The following PRDM10 variants were observed in gnomAD, a reference collection of about 807,000 sequenced individuals.
The protein encoded by PRDM10 is PR domain zinc finger protein 10.
In PRDM10, 65 loss-of-function variants were observed where a neutral mutation model predicts 133.1. That is an observed-to-expected ratio of 0.49 (90% confidence interval 0.40 to 0.60). PRDM10 has a LOEUF of 0.60. PRDM10 is among the 20% of genes least tolerant of loss of function. PRDM10 has a pLI of 0.00. For synonymous variants in PRDM10, 582 were observed against 580.4 expected (o/e 1.00, Z -0.04); for missense variants, 1,137 against 1,507.1 (o/e 0.75, Z 4.07).
At chr11:129,942,121 C>G (rs1205346597) in intron 7 of PRDM10, among the ~76,000 whole-genome samples, 1 of 152,118 alleles carries the variant, frequency 6.6e-6, no homozygotes, top group African/African-American at 2.4e-5. Context: ...GTCTTGAACT[C>G]CAGACCTGAA....
chr11:130,000,832 C>G (rs959083780), intron 1 of PRDM10, among the ~76,000 whole-genome samples: 1 of 152,172 alleles, frequency 6.6e-6, no homozygotes, highest in African/African-American at 2.4e-5. Flanking sequence ...AAAGGCCGAG[C>G]GCGGGGGCCC....
At chr11:129,990,597 A>G (rs1165459625) in intron 1 of PRDM10, among the ~76,000 whole-genome samples, 1 of 150,744 alleles carries the variant, frequency 6.6e-6, no homozygotes, top group Non-Finnish European at 1.5e-5. Context: ...TCCAATTCAC[A>G]CTCCCTATAA....
chr11:129,908,173 A>T (rs1950073591), intron 19 of PRDM10, among the ~76,000 whole-genome samples: 1 of 152,040 alleles, frequency 6.6e-6, no homozygotes. Flanking sequence ...TTGTGTTTTT[A>T]AAAAATAGTT....
At chr11:129,942,709 A>C (rs1441616409) in intron 6 of PRDM10, 80 bp from the exon 7 acceptor site, 2 of 1,259,898 alleles carry the variant, frequency 1.6e-6, no homozygotes, top group East Asian at 2.3e-5. Context: ...CAATACGCAA[A>C]ATATTGCTTC....
intron 1 of PRDM10, among the ~76,000 whole-genome samples, chr11:129,980,775 A>G (rs1345739961): frequency 2.0e-5 from 3 of 151,988 alleles, no homozygotes; most frequent in Non-Finnish European, 4.4e-5. Flanking sequence ...AGGGAAATCT[A>G]TAAAGACAGG....
chr11:129,970,901 C>T (rs923582211), intron 1 of PRDM10, among the ~76,000 whole-genome samples: 6 of 152,116 alleles, frequency 3.9e-5, no homozygotes, highest in African/African-American at 1.4e-4. Context: ...AAGTTTTCCA[C>T]CAACTTTTTT....
At position 129,945,070 on chromosome 11, in the gene PRDM10, A is replaced by T; in HGVS notation, c.521-58T>A. The T allele has an allele frequency of 6.3e-7, 1 of 1,582,120 alleles. No homozygotes were observed. Among genetic ancestry groups the T allele is most frequent in the South Asian group, 1.2e-5 (1 of 84,988 alleles). ...CAATTCCTCAGTGTGACTTGATGTG[A>T]GGTAAAAAATTCTGACCCGAAAAAT... On this transcript the variant is annotated intron_variant, in intron 5 of 20. Transcript: ENST00000360871. The surrounding 1 kb of genome is among the most constrained non-coding windows in gnomAD (Gnocchi z 4.2).
intron 19 of PRDM10, 109 bp from the exon 20 acceptor site, chr11:129,905,850 G>C (rs780715770): frequency 2.8e-4 from 252 of 893,218 alleles, no homozygotes; most frequent in Non-Finnish European, 4.1e-4. Flanking sequence ...CTTGCCATGA[G>C]AGTCTCACAA....
intron 20 of PRDM10, among the ~76,000 whole-genome samples, chr11:129,904,834 T>C (rs1456547674): frequency 6.6e-6 from 1 of 152,208 alleles, no homozygotes; most frequent in African/African-American, 2.4e-5. Context: ...GTATGTACTC[T>C]GTCTTCTAAT....
intron 14 of PRDM10, among the ~76,000 whole-genome samples, chr11:129,917,868 C>A (rs1045726247): frequency 6.6e-6 from 1 of 152,136 alleles, no homozygotes; most frequent in Non-Finnish European, 1.5e-5. Flanking sequence ...CAGTGGCTCA[C>A]GCCTGTAATC....
rs1491447398 is a variant in PRDM10 at position 129,923,693 on chromosome 11, A to AGAGAGAGT, written c.1879-291_1879-290insACTCTCTC. 1.5e-5 allele frequency among the ~76,000 whole-genome samples: 2 copies of AGAGAGAGT among 135,676 alleles called. No homozygotes were observed. The highest frequency in any genetic ancestry group is 3.2e-5 in the Non-Finnish European group (2 of 62,180). 89.0% of individuals were successfully genotyped at this position (135,676 alleles called of 152,430 possible). On this transcript the variant is annotated intron_variant, in intron 12 of 20. Coordinates refer to ENST00000360871, the MANE Select transcript of PRDM10 (RefSeq NM_199437.2). The surrounding 1 kb of genome is among the most constrained non-coding windows in gnomAD (Gnocchi z 4.4). Reference sequence around the variant, plus strand: ...GAGAGAGAGAGAGAGAGAGAGAGAGAGTGCTTGCTTGGTCAAAGCCCTGAT... The same window carrying AGAGAGAGT: ...GAGAGAGAGAGAGAGAGAGAGAGAGAGAGAGAGTGTGCTTGCTTGGTCAAAGCCCTGAT...
intron 10 of PRDM10, among the ~76,000 whole-genome samples, chr11:129,931,601 C>T (rs1442015281): frequency 1.3e-5 from 2 of 149,284 alleles, no homozygotes; most frequent in African/African-American, 2.5e-5. Flanking sequence ...CGGAGTCTCG[C>T]TCTGTCCCCA....
chr11:129,980,326 G>C (rs1368789199), intron 1 of PRDM10, among the ~76,000 whole-genome samples: 2 of 152,176 alleles, frequency 1.3e-5, no homozygotes, highest in Admixed American at 6.5e-5. Flanking sequence ...CTCCGACCTT[G>C]ACCCCCGGGG....
At position 129,985,794 on chromosome 11, in the gene PRDM10, AAAAAAAAAAAAAAAAATATATATAT is replaced by A. The variant is rs1938382565; in HGVS notation, c.-119+16903_-119+16927del. Among the ~76,000 whole-genome samples, 2 of 126,026 alleles carry A rather than the reference AAAAAAAAAAAAAAAAATATATATAT, an allele frequency of 1.6e-5. 1 individual carries two copies. Among genetic ancestry groups the A allele is most frequent in the African/African-American group, 7.2e-5 (2 of 27,624 alleles). The allele number at this position is 126,026 out of a possible 152,430, so 82.7% of individuals were successfully genotyped here. On this transcript the variant is annotated intron_variant, in intron 1 of 20. Transcript: ENST00000360871. ...CAAACCCTGTCCAAAAAAAAAAAAA[AAAAAAAAAAAAAAAAATATATATAT>A]ATATATATATATATGTATATATAGT...
intron 1 of PRDM10, among the ~76,000 whole-genome samples, chr11:129,972,062 C>T (rs1439193357): frequency 2.0e-5 from 3 of 152,230 alleles, no homozygotes; most frequent in South Asian, 2.1e-4. Context: ...GCCACTGGCC[C>T]GGGTGCTAAG....
chr11:129,963,289 T>A (rs1591667467), intron 1 of PRDM10, among the ~76,000 whole-genome samples: 1 of 152,124 alleles, frequency 6.6e-6, no homozygotes, highest in East Asian at 1.9e-4. Flanking sequence ...ACACCTGTGG[T>A]CCCAGCTACT....
At chr11:129,922,625 G>C (rs1261340013) in intron 13 of PRDM10, among the ~76,000 whole-genome samples, 1 of 152,136 alleles carries the variant, frequency 6.6e-6, no homozygotes, top group Middle Eastern at 3.2e-3. Flanking sequence ...GTCTTCCAGT[G>C]ACATTTTTGC....
Position 129,901,432 on chromosome 11 carries a change from G to A in PRDM10, c.*881C>T, listed in dbSNP as rs1949841695. On this transcript the variant is annotated 3_prime_UTR_variant, in exon 21 of 21. Transcript: ENST00000360871. ...ATGAATGATAAATGGATCCTGCAAG[G>A]CAGAACAAAATTTCAATACTTTCTC... 6.6e-6 allele frequency: 1 copy of A among 152,322 alleles called. No individual in the cohort carries two copies. The highest frequency in any genetic ancestry group is 1.5e-5 in the Non-Finnish European group (1 of 68,000). The allele number at this position is 152,322 out of a possible 1,614,324, so 9.4% of individuals were successfully genotyped here.
At chr11:129,961,409 A>G (rs912348707) in intron 1 of PRDM10, among the ~76,000 whole-genome samples, 1 of 152,064 alleles carries the variant, frequency 6.6e-6, no homozygotes, top group African/African-American at 2.4e-5. Context: ...GGTTTAAGCG[A>G]TTCTCCTGCC....
Sources: allele counts gnomAD v4.1 joint callset (sites outside exome capture counted in the v4.1 genomes callset), GRCh38; gene constraint gnomAD v4.1.1; non-coding constraint Gnocchi (gnomAD v3.1); transcripts MANE v1.5; gene names NCBI Gene and HGNC (gene_info 2026-07-23, HGNC 2026-07-21).